Variants in DMAC2 observed in about 807,000 individuals in gnomAD.
DMAC2 encodes the protein distal membrane-arm assembly complex protein 2.
In DMAC2, 32 loss-of-function variants were observed where a neutral mutation model predicts 29.6. That is an observed-to-expected ratio of 1.08 (90% CI 0.81 to 1.45). DMAC2 has a LOEUF of 1.45. DMAC2 is among the 40% of genes most tolerant of loss of function. The probability of loss-of-function intolerance (pLI) is 0.00; values close to 1 mark genes in which losing one functional copy is unlikely to be tolerated. For missense variants in DMAC2, 319 were observed against 340.0 expected (o/e 0.94, Z 0.49); for synonymous variants, 133 against 137.4 (o/e 0.97, Z 0.23).
intron 3 of DMAC2, among the ~76,000 whole-genome samples, chr19:41,436,092 T>C (rs2039849714): frequency 6.6e-6 from 1 of 152,182 alleles, no homozygotes; most frequent in Non-Finnish European, 1.5e-5. Flanking sequence ...GCCAAGCTGC[T>C]CTCGAACTCC....
In DMAC2 at chr19:41,432,379, A is replaced by G. The variant is rs782558606; in HGVS notation, c.626T>C (p.Leu209Pro). 1 of 1,613,948 alleles carries G rather than the reference A, an allele frequency of 6.2e-7. No individual in the cohort carries two copies. Among genetic ancestry groups the G allele is most frequent in the Non-Finnish European group, 8.5e-7 (1 of 1,179,984 alleles). The change falls in exon 6 of 6, where the codon CTC becomes CCC. Residue 209 changes from leucine (L) to proline (P), a missense_variant. By Grantham distance (98) the Leu-to-Pro change is moderately conservative (BLOSUM62 -3). Coordinates refer to ENST00000221943, the MANE Select transcript of DMAC2 (RefSeq NM_018035.3). ...QNLRRLDISD[L>P]PAVSNPGLTQ... ...GAGGCCAGGGTTGGACACGGCAGGG[A>G]GGTCCGAGATGTCCAGCCTGCGGAG... is the stretch of plus-strand genomic sequence containing the variant.
chr19:41,434,990 G>A (rs913375157), intron 3 of DMAC2, among the ~76,000 whole-genome samples: 1 of 145,986 alleles, frequency 6.8e-6, no homozygotes, highest in Non-Finnish European at 1.5e-5. Flanking sequence ...TGGGCGACAA[G>A]AGCAAGACTC....
chr19:41,434,725 C>T (rs564034132), intron 3 of DMAC2, among the ~76,000 whole-genome samples: 5 of 152,162 alleles, frequency 3.3e-5, no homozygotes, highest in East Asian at 1.9e-4. Flanking sequence ...ACAGGCCAGG[C>T]GCCACCAGTG....
In DMAC2 at chr19:41,432,373, G is replaced by A; in HGVS notation, c.632C>T (p.Ala211Val). 1 of 1,614,054 alleles carries A rather than the reference G, an allele frequency of 6.2e-7. No individual in the cohort carries two copies. Among genetic ancestry groups the A allele is most frequent in the Non-Finnish European group, 8.5e-7 (1 of 1,180,014 alleles). ...CTGAGTGAGGCCAGGGTTGGACACG[G>A]CAGGGAGGTCCGAGATGTCCAGCCT... ...LRRLDISDLP[A>V]VSNPGLTQIL... is the part of the protein sequence containing the mutation. The change falls in exon 6 of 6, where the codon GCC becomes GTC. Residue 211 changes from alanine to valine, a missense_variant. Transcript: ENST00000221943.
chr19:41,432,704 A>AGC (rs1555769623), intron 5 of DMAC2: 1 of 298,830 alleles, frequency 3.3e-6, no homozygotes. Flanking sequence ...GTATAAGGAC[A>AGC]GCGTGTGTGT....
intron 2 of DMAC2, among the ~76,000 whole-genome samples, chr19:41,437,100 A>G (rs2039904837): frequency 6.6e-6 from 1 of 152,150 alleles, no homozygotes; most frequent in Non-Finnish European, 1.5e-5. Flanking sequence ...TTTGTAGATT[A>G]TAAAAAACTA....
chr19:41,438,768 T>G (rs2040002891), intron 1 of DMAC2, among the ~76,000 whole-genome samples: 1 of 152,138 alleles, frequency 6.6e-6, no homozygotes. Flanking sequence ...TGCTGGGGTC[T>G]TCCCAAATGA....
At chr19:41,437,375 G>A (rs1247600764) in intron 2 of DMAC2, among the ~76,000 whole-genome samples, 1 of 151,442 alleles carries the variant, frequency 6.6e-6, no homozygotes, top group Non-Finnish European at 1.5e-5. Context: ...CAGCATGTGC[G>A]ACAGAGTGAG....
At chr19:41,432,952 A>C (rs2039651254) in intron 5 of DMAC2, 15 of 507,260 alleles carry the variant, frequency 3.0e-5, no homozygotes, top group Non-Finnish European at 4.8e-5. Flanking sequence ...TTAGCTTCCT[A>C]AAATAAAATC....
Position 41,433,279 on chromosome 19 carries a change from G to C in DMAC2, c.589C>G (p.His197Asp). 1 of 1,608,202 alleles carries C rather than the reference G, an allele frequency of 6.2e-7. No individual in the cohort carries two copies. The highest frequency in any genetic ancestry group is 1.1e-5 in the South Asian group (1 of 90,866). The part of the protein sequence containing the change: ...ISERGLACLH[H>D]LQNLRRLDIS... ...CCTGAGCTGAGGTCTCACTGGAGGT[G>C]GTGGAGGCAGGCGAGGCCCCGTTCG... is the stretch of plus-strand genomic sequence containing the variant. Residue 197 changes from histidine to aspartate, a missense_variant, in exon 5 of 6, where the codon CAC becomes GAC. Physicochemically the swap from His to Asp is moderately conservative, Grantham distance 81. Transcript: ENST00000221943.
At chr19:41,432,564 T>TTTGC (rs2039576876) in intron 5 of DMAC2, 156 bp from the exon 6 acceptor site, 1 of 605,230 alleles carries the variant, frequency 1.7e-6, no homozygotes, top group African/African-American at 2.4e-5. Flanking sequence ...CAGGACAGTG[T>TTTGC]GTGCGTGTGT....
chr19:41,436,550 G>C, intron 2 of DMAC2, 78 bp from the exon 3 acceptor site: 1 of 1,171,958 alleles, frequency 8.5e-7, no homozygotes, highest in Non-Finnish European at 1.3e-6. Context: ...TGTTAAGAGG[G>C]GCAGAGTCCA....
Position 41,431,347 on chromosome 19 carries a change from G to C in DMAC2, c.*884C>G, listed in dbSNP as rs782608514. ...TTGAACAGGGAAAGTTTAATATAGA[G>C]AATTACTGGCTTTAACAGTGAACTG... On this transcript the variant is annotated 3_prime_UTR_variant, in exon 6 of 6. Coordinates refer to ENST00000221943, the MANE Select transcript of DMAC2 (RefSeq NM_018035.3). 1 of 516,738 alleles carries C rather than the reference G, an allele frequency of 1.9e-6. No individual in the cohort carries two copies. The highest frequency in any genetic ancestry group is 1.4e-5 in the South Asian group (1 of 71,510). The allele number at this position is 516,738 out of a possible 1,614,324, so 32.0% of individuals were successfully genotyped here. A position where few individuals can be genotyped will look rare whatever the true frequency, so the allele number is the denominator to read the frequency against.
chr19:41,439,460 C>T (rs1555772304), intron 1 of DMAC2: 1 of 1,535,648 alleles, frequency 6.5e-7, no homozygotes, highest in South Asian at 1.2e-5. Context: ...CAATCTCCCA[C>T]TAACTTTCCT....
At position 41,439,497 on chromosome 19, in the gene DMAC2, C is replaced by T. The variant is rs932951798; in HGVS notation, c.18+385G>A. 3.3e-6 allele frequency: 5 copies of T among 1,537,090 alleles called. No individual in the cohort carries two copies. In the African/African-American group the frequency reaches 5.5e-5, roughly 17 times the overall value. On this transcript the variant is annotated intron_variant, in intron 1 of 5. Transcript: ENST00000221943. ...ACATTCATCCTTCGGTCTTCTAAGACCAAATCCCACATCCTCGAACAATCC... is the reference window on the plus strand; with the variant it reads ...ACATTCATCCTTCGGTCTTCTAAGATCAAATCCCACATCCTCGAACAATCC...
At chr19:41,432,569 G>A (rs547035130) in intron 5 of DMAC2, 161 bp from the exon 6 acceptor site, 41 of 319,542 alleles carry the variant, frequency 1.3e-4, no homozygotes, top group Admixed American at 5.3e-4. Flanking sequence ...CAGTGTGTGC[G>A]TGTGTGTGTG....
intron 3 of DMAC2, 106 bp from the exon 4 acceptor site, chr19:41,433,779 G>A: frequency 1.4e-6 from 2 of 1,430,226 alleles, no homozygotes; most frequent in African/African-American, 1.4e-5. Flanking sequence ...GGTCACCCTT[G>A]ACATAACTAA....
intron 1 of DMAC2, 84 bp downstream of exon 1, chr19:41,439,798 C>T (rs2040060307): frequency 6.2e-7 from 1 of 1,600,592 alleles, no homozygotes; most frequent in African/African-American, 1.3e-5. Flanking sequence ...GCTTTCTGCT[C>T]TCGTGGCCGC....
intron 3 of DMAC2, among the ~76,000 whole-genome samples, chr19:41,434,332 CAGG>C (rs2039741907): frequency 6.9e-6 from 1 of 145,620 alleles, no homozygotes; most frequent in South Asian, 2.1e-4. Context: ...AGCTTGAACC[CAGG>C]AGGTCGAGGC....
Sources: gnomAD v4.1 joint callset for allele counts (sites outside exome capture counted in the v4.1 genomes callset) on GRCh38, gnomAD v4.1.1 for gene constraint, MANE v1.5 for transcripts, NCBI Gene and HGNC (gene_info 2026-07-23, HGNC 2026-07-21) for gene names.